The following DNMT3A variants were observed in gnomAD, a reference collection of about 807,000 sequenced individuals.
The protein encoded by DNMT3A is DNA methyltransferase 3 alpha.
Under a neutral mutation model 117.6 loss-of-function variants are expected in DNMT3A, and 267 were observed. The ratio of observed to expected loss-of-function variants is 2.27; its 90% CI spans 2.05 to 2.51. The LOEUF is 2.51. DNMT3A is among the 30% of genes most tolerant of loss of function. DNMT3A has a pLI of 0.00. For synonymous variants in DNMT3A, 432 were observed against 474.8 expected, an observed-to-expected ratio of 0.91 and a Z score of 1.17; for missense variants, 1,029 against 1,260.2, an observed-to-expected ratio of 0.82 and a Z score of 2.78.
Position 25,246,618 on chromosome 2 carries a change from A to G in DNMT3A, c.1279+2T>C. 2 of 1,607,482 alleles carry G rather than the reference A, an allele frequency of 1.2e-6. No individual in the cohort carries two copies. Among genetic ancestry groups the G allele is most frequent in the Non-Finnish European group, 1.7e-6 (2 of 1,176,526 alleles). ...CCCAGAAAGCTGGGTGCCCTCATTT[A>G]CCTTCTGGTGGCTCCAGGCCCTTAG... On this transcript the variant is annotated splice_donor_variant, in intron 10 of 22. Transcript: ENST00000321117. LOFTEE classifies it high-confidence loss of function.
chr2:25,246,744 CG>C lies in DNMT3A; in HGVS notation c.1154del (p.Pro385ArgfsTer22), dbSNP rs779418049. ...CACTCTCATCGCTGTCGTGGCACAC[CG>C]GGAACAGCTTCCCCGCGCGGCTGCT... The part of the protein sequence containing the change: ...VASSRAGKLF[P>X]VCHDSDESDT... On this transcript the variant is annotated frameshift_variant, in exon 10 of 23. Transcript: ENST00000321117. LOFTEE classifies it high-confidence loss of function. The C allele has an allele frequency of 3.7e-6, 6 of 1,613,666 alleles. No individual in the cohort carries two copies. The highest frequency in any genetic ancestry group is 1.7e-5 in the Admixed American group (1 of 60,010).
At chr2:25,334,449 C>T (rs914242845) in intron 1 of DNMT3A, among the ~76,000 whole-genome samples, 12 of 152,152 alleles carry the variant, frequency 7.9e-5, no homozygotes, top group Non-Finnish European at 1.5e-4. Context: ...TCCCAAGAGG[C>T]TCTCACTATG....
chr2:25,340,969 G>A (rs1347290755), intron 1 of DNMT3A, among the ~76,000 whole-genome samples: 1 of 146,578 alleles, frequency 6.8e-6, no homozygotes, highest in African/African-American at 2.5e-5. Flanking sequence ...ACAGGGAGGA[G>A]CCGGGCACGA....
chr2:25,239,164 G>C lies in DNMT3A; in HGVS notation c.2374C>G (p.Arg792Gly). Residue 792 changes from arginine to glycine, a missense_variant, in exon 20 of 23, where the codon CGC becomes GGC. Physicochemically the swap from Arg to Gly is moderately radical, Grantham distance 125 (BLOSUM62 -2). Transcript: ENST00000321117. The part of the protein sequence containing the change: ...AKEVSAAHRA[R>G]YFWGNLPGMN... ...CCGGGAAGGTTACCCCAGAAGTAGC[G>C]GGCCCTGTGTGCAGCTGACACTTCT... is the stretch of plus-strand genomic sequence containing the variant. 1 of 1,614,088 alleles carries C rather than the reference G, an allele frequency of 6.2e-7. No homozygotes were observed. Among genetic ancestry groups the C allele is most frequent in the Non-Finnish European group, 8.5e-7 (1 of 1,180,002 alleles).
chr2:25,241,446 G>A, intron 17 of DNMT3A, 116 bp downstream of exon 17: 1 of 1,372,376 alleles, frequency 7.3e-7, no homozygotes, highest in Non-Finnish European at 9.8e-7. Flanking sequence ...AGAGGCTGGG[G>A]CAAAGGGTGA....
chr2:25,289,779 G>T (rs2032607440), intron 3 of DNMT3A, among the ~76,000 whole-genome samples: 4 of 152,208 alleles, frequency 2.6e-5, no homozygotes, highest in Admixed American at 2.6e-4. Context: ...CAGAGGCAAG[G>T]CAAGGAGGAG....
In DNMT3A at chr2:25,245,252, C is replaced by T. The variant is rs766110518; in HGVS notation, c.1554+1G>A. ...CCTCTCCTGGGTGGGTGTGCTCCTA[C>T]CTTGCAGTTTTGGCACATTCCTCCA... On this transcript the variant is annotated splice_donor_variant, in intron 13 of 22. Coordinates refer to ENST00000321117, the MANE Select transcript of DNMT3A (RefSeq NM_022552.5). LOFTEE classifies it high-confidence loss of function. The T allele has an allele frequency of 8.1e-6, 13 of 1,613,580 alleles. No homozygotes were observed. The highest frequency in any genetic ancestry group is 3.3e-5 in the Admixed American group (2 of 60,002).
In DNMT3A at chr2:25,282,578, C is replaced by T. The variant is rs1315534478; in HGVS notation, c.311G>A (p.Gly104Glu). 6.2e-7 allele frequency: 1 copy of T among 1,613,616 alleles called. No homozygotes were observed. The highest frequency in any genetic ancestry group is 1.1e-5 in the South Asian group (1 of 91,026). ...EKRSEPQPEE[G>E]SPAGGQKGGA... The stretch of plus-strand genomic sequence containing the variant: ...GCCCTTCTGCCCCCCAGCAGGGCTC[C>T]CCTCCTCTGGCTGGGGCTCACTCCG... The change falls in exon 4 of 23, where the codon GGG (glycine) becomes GAG (glutamate). Residue 104 changes from glycine (G) to glutamate (E), a missense_variant. Transcript: ENST00000321117. The surrounding 1 kb of genome is among the most constrained non-coding windows in gnomAD (Gnocchi z 5.2).
rs1263273792 is a variant in DNMT3A, at chr2:25,257,893, A to T, written c.640-9641T>A. Among the ~76,000 whole-genome samples the T allele has an allele frequency of 1.3e-5, 2 of 152,208 alleles. No individual in the cohort carries two copies. The highest frequency in any genetic ancestry group is 2.9e-5 in the Non-Finnish European group (2 of 68,040). ...CAAATGAGAACACTGAGGCCTAGAGAGGCCCGAGCCCACCTGAAAGGTCAG... is the reference window on the plus strand; with the variant it reads ...CAAATGAGAACACTGAGGCCTAGAGTGGCCCGAGCCCACCTGAAAGGTCAG... On this transcript the variant is annotated intron_variant, in intron 6 of 22. Transcript: ENST00000321117. The surrounding 1 kb of genome is among the most constrained non-coding windows in gnomAD (Gnocchi z 4.8).
intron 6 of DNMT3A, among the ~76,000 whole-genome samples, chr2:25,269,507 C>G (rs1206394490): frequency 6.6e-6 from 1 of 152,176 alleles, no homozygotes; most frequent in Non-Finnish European, 1.5e-5. Flanking sequence ...AGGAGCATGG[C>G]AATGTCCCTT....
intron 16 of DNMT3A, 52 bp downstream of exon 16, chr2:25,243,846 T>TC: frequency 6.5e-7 from 1 of 1,543,840 alleles, no homozygotes; most frequent in Non-Finnish European, 8.8e-7. Flanking sequence ...CACACCTGGC[T>TC]CCCCCATCCT....
Position 25,241,719 on chromosome 2 carries a change from A to T in DNMT3A, c.1937-12T>A. 1.2e-6 allele frequency: 2 copies of T among 1,612,974 alleles called. No individual in the cohort carries two copies. Among genetic ancestry groups the T allele is most frequent in the Non-Finnish European group, 8.5e-7 (1 of 1,179,560 alleles). ...CAGCACCAGGAGCCCTGCACCAGCC[A>T]GCAGACAGCACCGTTACTTGGAGCC... On this transcript the variant is annotated splice_polypyrimidine_tract_variant and intron_variant, in intron 16 of 22. Coordinates refer to ENST00000321117, the MANE Select transcript of DNMT3A (RefSeq NM_022552.5).
intron 3 of DNMT3A, among the ~76,000 whole-genome samples, chr2:25,289,524 C>A (rs955689295): frequency 4.6e-5 from 7 of 152,154 alleles, no homozygotes; most frequent in Non-Finnish European, 7.4e-5. Flanking sequence ...GGAGCTGGAG[C>A]GATACTCGCT....
At chr2:25,318,310 G>A (rs35966091) in intron 1 of DNMT3A, among the ~76,000 whole-genome samples, 5,564 of 152,142 alleles carry the variant, frequency 0.037, 142 homozygotes, top group South Asian at 0.083. Flanking sequence ...TTTCTGAGAC[G>A]GAGTCTTTCT....
chr2:25,244,314 GTC>G lies in DNMT3A; in HGVS notation c.1690_1691del (p.Asp564ProfsTer13). 1 of 1,609,454 alleles carries G rather than the reference GTC, an allele frequency of 6.2e-7. No individual in the cohort carries two copies. Among genetic ancestry groups the G allele is most frequent in the Non-Finnish European group, 8.5e-7 (1 of 1,178,154 alleles). Reference sequence around the variant, plus strand: ...GGGCAGCCCCCGGCCCCACCAAGAGGTCCACACACTCCACGCAAAAGCACCTG... The same window carrying G: ...GGGCAGCCCCCGGCCCCACCAAGAGGCACACACTCCACGCAAAAGCACCTG... ...CCRCFCVECV[D>X]LLVGPGAAQA... On this transcript the variant is annotated frameshift_variant, in exon 15 of 23. Coordinates refer to ENST00000321117, the MANE Select transcript of DNMT3A (RefSeq NM_022552.5). LOFTEE classifies it high-confidence loss of function.
chr2:25,288,921 G>C (rs1302503094), intron 3 of DNMT3A, among the ~76,000 whole-genome samples: 1 of 152,166 alleles, frequency 6.6e-6, no homozygotes, highest in South Asian at 2.1e-4. Context: ...GACAGCTGCT[G>C]GCCCAGCCTT....
intron 6 of DNMT3A, among the ~76,000 whole-genome samples, chr2:25,264,611 T>C (rs375606519): frequency 1.8e-4 from 28 of 152,030 alleles, no homozygotes; most frequent in Admixed American, 5.9e-4. Flanking sequence ...GGGAGGTGCC[T>C]GCCACCACGC....
rs756237176 is a variant in DNMT3A, at chr2:25,282,687, C to A, written c.202G>T (p.Asp68Tyr). The A allele has an allele frequency of 1.3e-6, 2 of 1,542,588 alleles. No homozygotes were observed. The highest frequency in any genetic ancestry group is 2.3e-5 in the East Asian group (1 of 43,810). Residue 68 changes from aspartate to tyrosine, a missense_variant, in exon 4 of 23, where the codon GAC becomes TAC. Physicochemically the swap from Asp to Tyr is radical, Grantham distance 160. Transcript: ENST00000321117. The surrounding 1 kb of genome is among the most constrained non-coding windows in gnomAD (Gnocchi z 5.2). ...GGGGACTTGGAGATCACCGCAGGGT[C>A]CTTTGGCGTGTCACCGCTTTCCACC... is the stretch of plus-strand genomic sequence containing the variant. ...PPVESGDTPK[D>Y]PAVISKSPSM...
intron 1 of DNMT3A, among the ~76,000 whole-genome samples, chr2:25,333,474 C>T (rs1190884071): frequency 6.6e-6 from 1 of 152,024 alleles, no homozygotes; most frequent in Admixed American, 6.5e-5. Flanking sequence ...GGATTACAGG[C>T]GTGCACCATC....
Sources: gnomAD v4.1 joint callset for allele counts (sites outside exome capture counted in the v4.1 genomes callset) on GRCh38, gnomAD v4.1.1 for gene constraint, Gnocchi (gnomAD v3.1) non-coding constraint, MANE v1.5 for transcripts, NCBI Gene and HGNC (gene_info 2026-07-23, HGNC 2026-07-21) for gene names.